The following ZKSCAN7 variants were observed in gnomAD, a reference collection of about 807,000 sequenced individuals.
ZKSCAN7 encodes the protein zinc finger protein with KRAB and SCAN domains 7.
Under a neutral mutation model 65.3 loss-of-function variants are expected in ZKSCAN7, and 38 were observed. The ratio of observed to expected loss-of-function variants is 0.58; its 90% CI spans 0.45 to 0.76. The LOEUF is 0.76. Among genes scored for constraint, ZKSCAN7 ranks in the 30% least tolerant of loss-of-function variants. The pLI is 0.00. For missense variants in ZKSCAN7, 815 were observed against 913.3 expected, an observed-to-expected ratio of 0.89 and a Z score of 1.39; for synonymous variants, 321 against 321.0, an observed-to-expected ratio of 1.00 and a Z score of 0.00.
In ZKSCAN7 at chr3:44,561,306, C is replaced by A. The variant is rs979387292; in HGVS notation, c.423+3836C>A. 2.6e-5 allele frequency among the ~76,000 whole-genome samples: 4 copies of A among 152,084 alleles called. No individual in the cohort carries two copies. In the East Asian group the frequency reaches 7.7e-4, roughly 29 times the overall value. ...GAAGTGACACATACTTTTAAATGAT[C>A]AGATCTCATGAGAACCCACAAGAAC... On this transcript the variant is annotated intron_variant, in intron 2 of 5. Transcript: ENST00000426540.
chr3:44,567,430 T>C (rs1395723236), intron 3 of ZKSCAN7, among the ~76,000 whole-genome samples: 2 of 152,094 alleles, frequency 1.3e-5, no homozygotes, highest in African/African-American at 2.4e-5. Context: ...CCATAGGCAA[T>C]AGGAGGCATG....
At chr3:44,575,350 C>T (rs753123827), downstream of ZKSCAN7, among the ~76,000 whole-genome samples, 5 of 152,162 alleles carry the variant, frequency 3.3e-5, no homozygotes, top group Non-Finnish European at 7.4e-5. Flanking sequence ...GGGAAAATCA[C>T]CTAGCTTTCC....
At chr3:44,580,248 C>G in intron 5 of ZKSCAN7, 1 of 1,613,422 alleles carries the variant, frequency 6.2e-7, no homozygotes, top group Non-Finnish European at 8.5e-7. Context: ...GCTGCTCTCC[C>G]CCCGGACTTT....
intron 5 of ZKSCAN7, chr3:44,580,699 C>T: frequency 1.2e-6 from 2 of 1,613,980 alleles, no homozygotes; most frequent in South Asian, 1.1e-5. Context: ...GTGCGGCCCT[C>T]CCCATCCACC....
rs779169232 is a variant in ZKSCAN7 at position 44,565,477 on chromosome 3, C to T, written c.424-10C>T. 1.3e-6 allele frequency: 2 copies of T among 1,593,916 alleles called. No homozygotes were observed. Among genetic ancestry groups the T allele is most frequent in the East Asian group, 2.3e-5 (1 of 44,116 alleles). ...CTCTTTTGAACCCAATTGTATTTCC[C>T]TCTCTCTAGGTTTCAGCCCCAGCAC... On this transcript the variant is annotated splice_polypyrimidine_tract_variant and intron_variant, in intron 2 of 5. Coordinates refer to ENST00000426540, the MANE Select transcript of ZKSCAN7 (RefSeq NM_001288590.2).
chr3:44,564,116 A>G (rs574355988), intron 2 of ZKSCAN7, among the ~76,000 whole-genome samples: 227 of 152,332 alleles, frequency 1.5e-3, no homozygotes, highest in African/African-American at 5.1e-3. Context: ...GAACTTTAAA[A>G]TGTGCCTTAT....
At chr3:44,566,622 T>G (rs1362500808) in intron 3 of ZKSCAN7, among the ~76,000 whole-genome samples, 1 of 152,046 alleles carries the variant, frequency 6.6e-6, no homozygotes, top group Non-Finnish European at 1.5e-5. Flanking sequence ...TTTTATTTAT[T>G]TATTTAATGT....
intron 5 of ZKSCAN7, chr3:44,580,935 G>T: frequency 6.2e-7 from 1 of 1,612,778 alleles, no homozygotes; most frequent in Non-Finnish European, 8.5e-7. Context: ...GAGGAGATGC[G>T]ACTCGCGGGG....
At chr3:44,578,179 C>T in intron 5 of ZKSCAN7, 1 of 1,522,124 alleles carries the variant, frequency 6.6e-7, no homozygotes, top group South Asian at 1.1e-5. Context: ...TCAGCCTTAG[C>T]CTTTGCGATG....
chr3:44,559,879 A>G (rs1234754854), intron 2 of ZKSCAN7, among the ~76,000 whole-genome samples: 1 of 152,236 alleles, frequency 6.6e-6, no homozygotes, highest in Non-Finnish European at 1.5e-5. Flanking sequence ...GTAAGCACAT[A>G]TGAGTAAATC....
intron 2 of ZKSCAN7, among the ~76,000 whole-genome samples, chr3:44,559,905 C>T (rs1297695055): frequency 6.6e-6 from 1 of 152,140 alleles, no homozygotes; most frequent in Non-Finnish European, 1.5e-5. Context: ...TCACAAGGGT[C>T]TAGAGAGCAG....
In ZKSCAN7 at chr3:44,565,602, A is replaced by T; in HGVS notation, c.539A>T (p.His180Leu). 2 of 1,612,402 alleles carry T rather than the reference A, an allele frequency of 1.2e-6. No individual in the cohort carries two copies. The highest frequency in any genetic ancestry group is 1.7e-6 in the Non-Finnish European group (2 of 1,179,412). The change falls in exon 3 of 6, where the codon CAC (histidine) becomes CTC (leucine). Residue 180 changes from histidine to leucine, a missense_variant. This residue lies in a region of ZKSCAN7 where 227 missense variants were observed against 253.3 expected (regional missense o/e 0.90). Transcript: ENST00000426540. ...PLSGGSAPGA[H>L]LEPPYDPGTH... ...AGTGGGGGCTCAGCCCCTGGAGCCC[A>T]CCTGGAGCCTCCTTATGACCCAGGG... is the stretch of plus-strand genomic sequence containing the variant.
chr3:44,564,273 G>A (rs941783754), intron 2 of ZKSCAN7, among the ~76,000 whole-genome samples: 5 of 152,208 alleles, frequency 3.3e-5, no homozygotes, highest in Admixed American at 6.5e-5. Context: ...ACAGATTAGT[G>A]TGTCTGATCT....
At chr3:44,555,728 T>G (rs1013447295) in intron 1 of ZKSCAN7, among the ~76,000 whole-genome samples, 1 of 152,208 alleles carries the variant, frequency 6.6e-6, no homozygotes, top group Non-Finnish European at 1.5e-5. Flanking sequence ...GAGCAGAGTT[T>G]ACAGATTATT....
chr3:44,556,883 TG>T, intron 1 of ZKSCAN7, 46 bp from the exon 2 acceptor site: 1 of 918,928 alleles, frequency 1.1e-6, no homozygotes, highest in Non-Finnish European at 1.7e-6. Context: ...GTCATCAGCC[TG>T]GGGCTGAATA....
chr3:44,573,604 A>G (rs1351370824), downstream of ZKSCAN7, among the ~76,000 whole-genome samples: 1 of 152,204 alleles, frequency 6.6e-6, no homozygotes, highest in African/African-American at 2.4e-5. Flanking sequence ...TTCCTTTAGA[A>G]GATATGCAGA....
At chr3:44,572,995 T>C (rs561652932), downstream of ZKSCAN7, among the ~76,000 whole-genome samples, 17 of 152,284 alleles carry the variant, frequency 1.1e-4, no homozygotes, top group Middle Eastern at 3.4e-3. Flanking sequence ...TGTGGCAAGA[T>C]AATAGATTCA....
At chr3:44,578,589 C>T (rs1699978917) in intron 5 of ZKSCAN7, among the ~76,000 whole-genome samples, 1 of 152,210 alleles carries the variant, frequency 6.6e-6, no homozygotes, top group Admixed American at 6.5e-5. Flanking sequence ...TCCCGCTGCA[C>T]CGACTGCAGC....
chr3:44,572,804 C>T (rs576316089), downstream of ZKSCAN7, among the ~76,000 whole-genome samples: 422 of 142,182 alleles, frequency 3.0e-3, 3 homozygotes, highest in Non-Finnish European at 4.7e-3. Flanking sequence ...GAGCCAAGAT[C>T]GCACCACTCC....
Sources: gnomAD v4.1 joint callset for allele counts (sites outside exome capture counted in the v4.1 genomes callset) on GRCh38, gnomAD v4.1.1 for gene constraint, gnomAD v4.1.1 regional missense constraint, MANE v1.5 for transcripts, NCBI Gene and HGNC (gene_info 2026-07-23, HGNC 2026-07-21) for gene names.